The following GRM7 variants were observed in gnomAD, a reference collection of about 807,000 sequenced individuals.
The protein encoded by GRM7 is glutamate metabotropic receptor 7, also known as metabotropic glutamate receptor 7.
GRM7 carries 35 observed loss-of-function variants against 84.5 expected under a neutral mutation model. That is an observed-to-expected ratio of 0.41 (90% CI 0.32 to 0.55). The LOEUF (loss-of-function observed/expected upper bound fraction) is 0.55. Ranked by LOEUF, GRM7 falls within the 20% of genes least tolerant of loss-of-function variation. The pLI, the probability that GRM7 is intolerant of heterozygous loss-of-function variation, is 0.19. For missense variants in GRM7, 1,003 were observed against 1,194.6 expected (o/e 0.84, Z 2.36); for synonymous variants, 487 against 455.1 (o/e 1.07, Z -0.89).
At chr3:7,115,629 G>A (rs1157490951) in intron 1 of GRM7, among the ~76,000 whole-genome samples, 1 of 152,080 alleles carries the variant, frequency 6.6e-6, no homozygotes, top group Non-Finnish European at 1.5e-5. Context: ...CTCTTCCCTG[G>A]AGACTTCTAT....
intron 9 of GRM7, among the ~76,000 whole-genome samples, chr3:7,735,890 GGTCTA>G (rs1304330073): frequency 3.9e-5 from 6 of 152,112 alleles, no homozygotes; most frequent in Non-Finnish European, 8.8e-5. Context: ...AAGTATCTCA[GGTCTA>G]GATCTAGAAG....
chr3:6,892,269 C>G (rs759839190), intron 1 of GRM7, among the ~76,000 whole-genome samples: 2 of 152,098 alleles, frequency 1.3e-5, no homozygotes, highest in Non-Finnish European at 2.9e-5. Flanking sequence ...CTCAGAGAAG[C>G]CCTTCCAGGA....
intron 1 of GRM7, among the ~76,000 whole-genome samples, chr3:7,127,600 A>T (rs1043380429): frequency 4.2e-4 from 64 of 152,282 alleles, no homozygotes; most frequent in African/African-American, 1.5e-3. Context: ...TTCTCTTAAT[A>T]CTAACTGGGA....
At chr3:7,438,482 G>A (rs1046651339) in intron 5 of GRM7, among the ~76,000 whole-genome samples, 1 of 151,986 alleles carries the variant, frequency 6.6e-6, no homozygotes, top group African/African-American at 2.4e-5. Flanking sequence ...ATCTCACAAA[G>A]GGATGATGTC....
intron 9 of GRM7, among the ~76,000 whole-genome samples, chr3:7,682,806 T>A (rs544005104): frequency 1.3e-5 from 2 of 152,346 alleles, no homozygotes; most frequent in South Asian, 2.1e-4. Flanking sequence ...ACACTGACAT[T>A]AATGCTAATG....
intron 2 of GRM7, among the ~76,000 whole-genome samples, chr3:7,189,205 A>G (rs1444697730): frequency 6.6e-6 from 1 of 152,184 alleles, no homozygotes; most frequent in Non-Finnish European, 1.5e-5. Context: ...TATATCCTGT[A>G]TATGCATACA....
chr3:7,546,518 C>T (rs186388888), intron 7 of GRM7, among the ~76,000 whole-genome samples: 2 of 152,324 alleles, frequency 1.3e-5, no homozygotes, highest in South Asian at 2.1e-4. Flanking sequence ...GGTAACACAG[C>T]GTCAAGGCTG....
chr3:6,914,294 T>A (rs993200795), intron 1 of GRM7, among the ~76,000 whole-genome samples: 2 of 152,232 alleles, frequency 1.3e-5, no homozygotes, highest in Admixed American at 1.3e-4. Flanking sequence ...TTATATTGCT[T>A]CCACAGTCAT....
chr3:7,215,489 C>T (rs964502403), intron 2 of GRM7, among the ~76,000 whole-genome samples: 32 of 151,814 alleles, frequency 2.1e-4, no homozygotes, highest in Non-Finnish European at 2.1e-4. Context: ...ACAGTGAAAC[C>T]CCGTCTCTAC....
chr3:7,090,495 G>T (rs1297798929), intron 1 of GRM7, among the ~76,000 whole-genome samples: 1 of 152,174 alleles, frequency 6.6e-6, no homozygotes, highest in African/African-American at 2.4e-5. Flanking sequence ...GCCACTGGAG[G>T]CCTCCAACCC....
At chr3:7,516,004 A>G (rs148493668) in intron 7 of GRM7, among the ~76,000 whole-genome samples, 51 of 151,958 alleles carry the variant, frequency 3.4e-4, no homozygotes, top group African/African-American at 1.2e-3. Context: ...TAAGAATAGT[A>G]ACAAATAAAA....
chr3:7,738,914 A>T (rs1270043017), intron 9 of GRM7, among the ~76,000 whole-genome samples: 1 of 152,182 alleles, frequency 6.6e-6, no homozygotes, highest in Non-Finnish European at 1.5e-5. Flanking sequence ...CGTATTGTTG[A>T]AGACAACACT....
In GRM7 at chr3:7,486,902, T is replaced by A. The variant is rs1315345801; in HGVS notation, c.1515+25180T>A. On this transcript the variant is annotated intron_variant, in intron 7 of 9. Transcript: ENST00000357716. This position sits in a 1 kb window ranked among gnomAD's most constrained non-coding sequence, Gnocchi z 5.5. Reference sequence around the variant, plus strand: ...GGAGCAGACTAGAAAAAGCCTAGATTCTTGTGAGGACATAGAAGACGAGAA... The same window carrying A: ...GGAGCAGACTAGAAAAAGCCTAGATACTTGTGAGGACATAGAAGACGAGAA... Among the ~76,000 whole-genome samples the A allele has an allele frequency of 6.6e-6, 1 of 152,098 alleles. No individual in the cohort carries two copies. The highest frequency in any genetic ancestry group is 2.4e-5 in the African/African-American group (1 of 41,418).
At chr3:7,251,114 A>G (rs1045867364) in intron 2 of GRM7, among the ~76,000 whole-genome samples, 6 of 152,168 alleles carry the variant, frequency 3.9e-5, no homozygotes, top group East Asian at 1.9e-4. Flanking sequence ...GCATTGGACT[A>G]TTATTCTGTA....
At chr3:7,702,331 GC>G (rs1361023191) in intron 9 of GRM7, among the ~76,000 whole-genome samples, 2 of 152,188 alleles carry the variant, frequency 1.3e-5, no homozygotes, top group Non-Finnish European at 2.9e-5. Context: ...CCTGGGTGAT[GC>G]CCATGTTGCT....
chr3:7,371,976 G>A (rs1317896406), intron 4 of GRM7, among the ~76,000 whole-genome samples: 1 of 152,116 alleles, frequency 6.6e-6, no homozygotes, highest in African/African-American at 2.4e-5. Flanking sequence ...ATGCTCAAAG[G>A]GAGAGAGATG....
intron 4 of GRM7, among the ~76,000 whole-genome samples, chr3:7,323,835 G>A (rs1044846793): frequency 1.3e-5 from 2 of 152,202 alleles, no homozygotes; most frequent in South Asian, 2.1e-4. Flanking sequence ...ATTATGAAAT[G>A]TAATCTTGAA....
At chr3:7,639,081 C>A (rs1195066063) in intron 8 of GRM7, among the ~76,000 whole-genome samples, 7 of 152,182 alleles carry the variant, frequency 4.6e-5, no homozygotes, top group Non-Finnish European at 1.0e-4. Context: ...CCTTCCACCT[C>A]TGTCTCCCTC....
intron 1 of GRM7, among the ~76,000 whole-genome samples, chr3:6,997,613 T>C (rs1427973990): frequency 6.6e-6 from 1 of 152,176 alleles, no homozygotes; most frequent in East Asian, 1.9e-4. Flanking sequence ...GTGGGGATTA[T>C]GGGAACTACA....
Sources: allele counts gnomAD v4.1 joint callset (sites outside exome capture counted in the v4.1 genomes callset), GRCh38; gene constraint gnomAD v4.1.1; non-coding constraint Gnocchi (gnomAD v3.1); transcripts MANE v1.5; gene names NCBI Gene and HGNC (gene_info 2026-07-23, HGNC 2026-07-21).